Variants in SPON1 observed in about 807,000 individuals in gnomAD.
The protein encoded by SPON1 is spondin-1.
In SPON1, 52 loss-of-function variants were observed where a neutral mutation model predicts 111.7. The observed-to-expected ratio is 0.47, with a 90% CI of 0.37 to 0.59. The LOEUF (loss-of-function observed/expected upper bound fraction) is 0.59. SPON1 is among the 20% of genes least tolerant of loss of function. The probability of loss-of-function intolerance (pLI) is 0.00; values close to 1 mark genes in which losing one functional copy is unlikely to be tolerated. For missense variants in SPON1, 957 were observed against 1,068.5 expected (o/e 0.90, Z 1.46); for synonymous variants, 410 against 395.8 (o/e 1.04, Z -0.43).
chr11:14,191,168 T>TC (rs1423302649), intron 6 of SPON1, among the ~76,000 whole-genome samples: 1 of 152,152 alleles, frequency 6.6e-6, no homozygotes, highest in Non-Finnish European at 1.5e-5. Context: ...ACATTGCTCA[T>TC]CCTACCCTCT....
rs138657050 is a variant in SPON1, at chr11:14,243,235, G to A, written c.826-97G>A. 2.2e-4 allele frequency: 263 copies of A among 1,169,562 alleles called. 1 individual carries two copies. The African/African-American group carries it at 3.5e-3, about 16-fold the overall frequency. The allele number at this position is 1,169,562 out of a possible 1,614,324, so 72.4% of individuals were successfully genotyped here. On this transcript the variant is annotated intron_variant, in intron 6 of 15. Coordinates refer to ENST00000576479, the MANE Select transcript of SPON1 (RefSeq NM_006108.4). ...CAGGCAGGAAAAGCCCCAACAGCAG[G>A]TGAGGGAGTGGGGGTGAATGGTGTC...
intron 2 of SPON1, among the ~76,000 whole-genome samples, chr11:14,030,120 C>T (rs181629107): frequency 1.3e-5 from 2 of 152,342 alleles, no homozygotes. Context: ...AGTTGAACTA[C>T]TCAGGTTAAT....
At chr11:14,004,435 A>G (rs893920009) in intron 2 of SPON1, among the ~76,000 whole-genome samples, 1 of 151,660 alleles carries the variant, frequency 6.6e-6, no homozygotes, top group South Asian at 2.1e-4. Context: ...GGCTATACCA[A>G]TCTACGTTTC....
chr11:14,118,311 C>T (rs1849280992), intron 5 of SPON1, among the ~76,000 whole-genome samples: 1 of 152,124 alleles, frequency 6.6e-6, no homozygotes, highest in Admixed American at 6.5e-5. Flanking sequence ...AGGAATATAG[C>T]CTCTCTCCCA....
intron 4 of SPON1, among the ~76,000 whole-genome samples, chr11:14,079,279 G>A (rs1229688010): frequency 6.6e-6 from 1 of 152,198 alleles, no homozygotes; most frequent in East Asian, 1.9e-4. Context: ...CAGAAGTACA[G>A]TAAACCTGAG....
At chr11:14,095,441 T>TAGAC (rs1200877414) in intron 5 of SPON1, among the ~76,000 whole-genome samples, 49 of 142,950 alleles carry the variant, frequency 3.4e-4, no homozygotes, top group Non-Finnish European at 4.0e-4. Context: ...GATAGATAGA[T>TAGAC]AGATAGATAA....
At chr11:14,032,867 G>A (rs76801959) in intron 2 of SPON1, among the ~76,000 whole-genome samples, 2 of 152,172 alleles carry the variant, frequency 1.3e-5, no homozygotes, top group East Asian at 3.9e-4. Flanking sequence ...ACTCAACAGT[G>A]CATATTTAGA....
intron 6 of SPON1, among the ~76,000 whole-genome samples, chr11:14,223,722 AGAGACCCTG>A (rs1554937827): frequency 6.6e-6 from 1 of 152,192 alleles, no homozygotes; most frequent in Admixed American, 6.5e-5. Flanking sequence ...TCAATCCATG[AGAGACCCTG>A]GACATAGTTT....
At chr11:14,116,465 A>G (rs150052207) in intron 5 of SPON1, among the ~76,000 whole-genome samples, 41 of 152,184 alleles carry the variant, frequency 2.7e-4, no homozygotes, top group African/African-American at 9.4e-4. Flanking sequence ...TTACAGGACT[A>G]TTGATTGAAG....
At chr11:14,047,455 A>G (rs1848676830) in intron 3 of SPON1, among the ~76,000 whole-genome samples, 1 of 152,206 alleles carries the variant, frequency 6.6e-6, no homozygotes, top group Admixed American at 6.5e-5. Flanking sequence ...GACATTGAGA[A>G]AGATTCAGGG....
chr11:14,211,207 A>C (rs1423464533), intron 6 of SPON1, among the ~76,000 whole-genome samples: 1 of 152,220 alleles, frequency 6.6e-6, no homozygotes, highest in Non-Finnish European at 1.5e-5. Context: ...TTTGCAGATG[A>C]CATGATTGTG....
chr11:14,227,427 T>A (rs1293219256), intron 6 of SPON1, among the ~76,000 whole-genome samples: 1 of 152,244 alleles, frequency 6.6e-6, no homozygotes, highest in East Asian at 1.9e-4. Flanking sequence ...GAGGCCTTAG[T>A]ATTTGTTTGC....
intron 2 of SPON1, among the ~76,000 whole-genome samples, chr11:14,018,004 C>A (rs1554914467): frequency 6.6e-6 from 1 of 152,070 alleles, no homozygotes; most frequent in Non-Finnish European, 1.5e-5. Context: ...GATCACTTGC[C>A]TGATTAATTA....
Position 14,265,931 on chromosome 11 carries a change from G to A in SPON1, c.*244G>A, listed in dbSNP as rs1318701361. On this transcript the variant is annotated 3_prime_UTR_variant, in exon 16 of 16. Coordinates refer to ENST00000576479, the MANE Select transcript of SPON1 (RefSeq NM_006108.4). The stretch of plus-strand genomic sequence containing the variant: ...GCAGAGGAGTAGTGTCAGCCACCTT[G>A]TACTAAGCTGAAACATGTCCCTCTG... 9.9e-6 allele frequency: 4 copies of A among 403,236 alleles called. No homozygotes were observed. The highest frequency in any genetic ancestry group is 6.1e-5 in the African/African-American group (3 of 49,240). 25.0% of individuals were successfully genotyped at this position (403,236 alleles called of 1,614,324 possible).
At chr11:14,235,588 A>G (rs192169857) in intron 6 of SPON1, among the ~76,000 whole-genome samples, 193 of 148,660 alleles carry the variant, frequency 1.3e-3, no homozygotes, top group African/African-American at 4.5e-3. Context: ...CTGAGGGTAG[A>G]AGGATGGCTT....
chr11:14,053,180 G>C (rs782548365), intron 3 of SPON1, among the ~76,000 whole-genome samples: 13 of 152,166 alleles, frequency 8.5e-5, no homozygotes, highest in Non-Finnish European at 1.8e-4. Context: ...CCATTTTAAA[G>C]TGATCAATTC....
intron 6 of SPON1, among the ~76,000 whole-genome samples, chr11:14,213,254 G>GA (rs1468351792): frequency 2.0e-5 from 3 of 152,148 alleles, no homozygotes; most frequent in East Asian, 1.9e-4. Flanking sequence ...AGACACTGTA[G>GA]AAAAAATGGT....
chr11:14,259,276 G>A lies in SPON1; in HGVS notation c.1493-4G>A, dbSNP rs1554941582. On this transcript the variant is annotated splice_polypyrimidine_tract_variant and splice_region_variant and intron_variant, in intron 11 of 15. Coordinates refer to ENST00000576479, the MANE Select transcript of SPON1 (RefSeq NM_006108.4). The surrounding 1 kb of genome is among the most constrained non-coding windows in gnomAD (Gnocchi z 5.0). ...TGCTGCAGCGTTCACTCGGTGTGTT[G>A]CAGACGGCTCCACCTGCACCATGTC... 1 of 1,608,886 alleles carries A rather than the reference G, an allele frequency of 6.2e-7. No individual in the cohort carries two copies.
At chr11:14,158,960 T>C (rs1847880340) in intron 6 of SPON1, among the ~76,000 whole-genome samples, 1 of 151,322 alleles carries the variant, frequency 6.6e-6, no homozygotes, top group Admixed American at 6.6e-5. Context: ...TCTGCAATTG[T>C]TCAAATCTTT....
Sources: allele counts gnomAD v4.1 joint callset (sites outside exome capture counted in the v4.1 genomes callset), GRCh38; gene constraint gnomAD v4.1.1; non-coding constraint Gnocchi (gnomAD v3.1); transcripts MANE v1.5; gene names NCBI Gene and HGNC (gene_info 2026-07-23, HGNC 2026-07-21).